The following WAPL variants were observed in gnomAD, a reference collection of about 807,000 sequenced individuals.
The protein encoded by WAPL is WAPL cohesin release factor, also known as wings apart-like protein homolog.
Under a neutral mutation model 121.0 loss-of-function variants are expected in WAPL, and 5 were observed. The ratio of observed to expected loss-of-function variants is 0.04; its 90% CI spans 0.02 to 0.09. WAPL has a LOEUF of 0.09. Ranked by LOEUF, WAPL falls within the 10% of genes least tolerant of loss-of-function variation. The pLI, the probability that WAPL is intolerant of heterozygous loss-of-function variation, is 1.00. For missense variants in WAPL, 999 were observed against 1,410.8 expected (o/e 0.71, Z 4.68); for synonymous variants, 480 against 481.5 (o/e 1.00, Z 0.04).
In WAPL at chr10:86,500,078, G is replaced by C; in HGVS notation, c.1165C>G (p.Pro389Ala). The C allele has an allele frequency of 1.2e-6, 2 of 1,614,110 alleles. No individual in the cohort carries two copies. Among genetic ancestry groups the C allele is most frequent in the Non-Finnish European group, 8.5e-7 (1 of 1,180,034 alleles). The change falls in exon 3 of 19, where the codon CCT (proline) becomes GCT (alanine). Residue 389 changes from proline (P) to alanine (A), a missense_variant. By Grantham distance (27) the Pro-to-Ala change is conservative. Around this residue, in one of 7 missense-constraint regions of WAPL, gnomAD observed 531 missense variants for 563.1 expected, o/e 0.94. Coordinates refer to ENST00000298767, the MANE Select transcript of WAPL (RefSeq NM_015045.5). ...RSMDEFTAST[P>A]ADLGEAGRLR... ...CGACCAGCTTCTCCCAAATCTGCAG[G>C]AGTGGATGCAGTGAACTCATCCATG...
chr10:86,473,342 A>G (rs1841577150), intron 5 of WAPL, among the ~76,000 whole-genome samples: 1 of 152,228 alleles, frequency 6.6e-6, no homozygotes, highest in Non-Finnish European at 1.5e-5. Flanking sequence ...AAGTTACTTG[A>G]TAACTCCAGA....
At chr10:86,438,325 C>A (rs1401742070) in intron 17 of WAPL, among the ~76,000 whole-genome samples, 1 of 150,970 alleles carries the variant, frequency 6.6e-6, no homozygotes, top group Non-Finnish European at 1.5e-5. Flanking sequence ...GTAATCTCAG[C>A]TCACTGCAAC....
intron 9 of WAPL, among the ~76,000 whole-genome samples, chr10:86,462,491 G>A (rs961530389): frequency 3.3e-5 from 5 of 152,006 alleles, no homozygotes; most frequent in Non-Finnish European, 7.4e-5. Context: ...AGGCCGAGGC[G>A]GGCTGATCAC....
intron 4 of WAPL, among the ~76,000 whole-genome samples, chr10:86,496,144 G>A (rs1174370586): frequency 2.6e-5 from 4 of 151,954 alleles, no homozygotes; most frequent in Admixed American, 2.0e-4. Context: ...CTGGGCAAAG[G>A]ACTTAGACAT....
chr10:86,510,635 C>T (rs1413197298), intron 2 of WAPL, among the ~76,000 whole-genome samples: 1 of 152,102 alleles, frequency 6.6e-6, no homozygotes, highest in Non-Finnish European at 1.5e-5. Flanking sequence ...TACTCCTTTT[C>T]CTCAGAAAAT....
At chr10:86,450,676 T>C (rs984580608) in intron 15 of WAPL, among the ~76,000 whole-genome samples, 3 of 152,212 alleles carry the variant, frequency 2.0e-5, no homozygotes, top group Admixed American at 6.5e-5. Flanking sequence ...TTATCAACTA[T>C]TGATAGTAAA....
rs1291880339 is a variant in WAPL, at chr10:86,436,298, G to A, written c.*1245C>T. ...CTTCAAGTTTTACAAATCCAATGAA[G>A]AAACATGATGTAACTACCTGAAAGG... On this transcript the variant is annotated 3_prime_UTR_variant, in exon 19 of 19. Coordinates refer to ENST00000298767, the MANE Select transcript of WAPL (RefSeq NM_015045.5). 4 of 151,910 alleles carry A rather than the reference G, an allele frequency of 2.6e-5. No homozygotes were observed. The highest frequency in any genetic ancestry group is 9.7e-5 in the African/African-American group (4 of 41,214). 9.4% of individuals were successfully genotyped at this position (151,910 alleles called of 1,614,324 possible).
At chr10:86,470,893 G>T (rs964329941) in intron 8 of WAPL, 99 bp downstream of exon 8, 4 of 890,936 alleles carry the variant, frequency 4.5e-6, no homozygotes, top group African/African-American at 3.4e-5. Flanking sequence ...CTATAATTAG[G>T]ATATATTTAT....
In WAPL at chr10:86,521,479, C is replaced by G. The variant is rs1253532251; in HGVS notation, c.-137G>C. 3 of 332,034 alleles carry G rather than the reference C, an allele frequency of 9.0e-6. No homozygotes were observed. Among genetic ancestry groups the G allele is most frequent in the African/African-American group, 2.3e-5 (1 of 42,590 alleles). The allele number at this position is 332,034 out of a possible 1,614,324, so 20.6% of individuals were successfully genotyped here. ...GGAGAGCAGGGCCGGCAGGTGAGAGCCGAGAGAGGCGAGGGACTCTGCTTT... is the reference window on the plus strand; with the variant it reads ...GGAGAGCAGGGCCGGCAGGTGAGAGGCGAGAGAGGCGAGGGACTCTGCTTT... On this transcript the variant is annotated 5_prime_UTR_variant, in exon 1 of 19. Transcript: ENST00000298767.
intron 16 of WAPL, among the ~76,000 whole-genome samples, chr10:86,444,753 G>A (rs1238769559): frequency 6.6e-6 from 1 of 151,932 alleles, no homozygotes; most frequent in African/African-American, 2.4e-5. Flanking sequence ...TAGTGGTGAT[G>A]GCAGCACAAC....
intron 4 of WAPL, among the ~76,000 whole-genome samples, chr10:86,491,698 G>A (rs1842052043): frequency 6.6e-6 from 1 of 150,762 alleles, no homozygotes; most frequent in Non-Finnish European, 1.5e-5. Context: ...CGCTTGAAAT[G>A]GTTCACACTG....
chr10:86,494,499 T>A (rs1168722936), intron 4 of WAPL, among the ~76,000 whole-genome samples: 1 of 152,180 alleles, frequency 6.6e-6, no homozygotes. Context: ...AAAAAAAAAT[T>A]GAACTTTTAA....
chr10:86,461,601 C>T (rs1841276435), intron 9 of WAPL, among the ~76,000 whole-genome samples: 1 of 152,184 alleles, frequency 6.6e-6, no homozygotes, highest in Non-Finnish European at 1.5e-5. Context: ...TATTTTTTAA[C>T]TGTAAATCAA....
rs181578620 is a variant in WAPL at position 86,447,343 on chromosome 10, T to C, written c.3115-894A>G. Among the ~76,000 whole-genome samples, 857 of 152,330 alleles carry C rather than the reference T, an allele frequency of 5.6e-3. 6 individuals carry two copies. Among genetic ancestry groups the C allele is most frequent in the Non-Finnish European group, 9.0e-3 (614 of 68,030 alleles). Reference sequence around the variant, plus strand: ...TAGAAGAGAATGATGGACTCCTACTTATGACTCCAGGAAGAACTGAGTTGT... The same window carrying C: ...TAGAAGAGAATGATGGACTCCTACTCATGACTCCAGGAAGAACTGAGTTGT... On this transcript the variant is annotated intron_variant, in intron 15 of 18. Coordinates refer to ENST00000298767, the MANE Select transcript of WAPL (RefSeq NM_015045.5).
At chr10:86,487,678 C>T (rs964154551) in intron 4 of WAPL, among the ~76,000 whole-genome samples, 1 of 152,092 alleles carries the variant, frequency 6.6e-6, no homozygotes, top group African/African-American at 2.4e-5. Flanking sequence ...ATCACGAGGT[C>T]AGGAGAGCAA....
intron 11 of WAPL, among the ~76,000 whole-genome samples, chr10:86,459,979 T>A (rs549793663): frequency 1.3e-5 from 2 of 152,172 alleles, no homozygotes; most frequent in African/African-American, 4.8e-5. Context: ...AAGGGCATGA[T>A]GGCACATGCC....
intron 8 of WAPL, 61 bp from the exon 9 acceptor site, chr10:86,467,567 A>C: frequency 1.4e-5 from 17 of 1,214,842 alleles, no homozygotes; most frequent in Non-Finnish European, 1.7e-5. Flanking sequence ...CTGACATCTC[A>C]GGAAATAAGA....
intron 4 of WAPL, among the ~76,000 whole-genome samples, chr10:86,495,245 T>C (rs78114718): frequency 0.01 from 1,572 of 152,276 alleles, 19 homozygotes; most frequent in Non-Finnish European, 0.015. Context: ...GGCAGGCAGA[T>C]AGCCTGAGCC....
At chr10:86,448,483 G>A (rs933291434) in intron 15 of WAPL, among the ~76,000 whole-genome samples, 1 of 152,178 alleles carries the variant, frequency 6.6e-6, no homozygotes, top group African/African-American at 2.4e-5. Flanking sequence ...CTACTAGTTT[G>A]CAGTCATTAC....
Sources: gnomAD v4.1 joint callset for allele counts (sites outside exome capture counted in the v4.1 genomes callset) on GRCh38, gnomAD v4.1.1 for gene constraint, gnomAD v4.1.1 regional missense constraint, MANE v1.5 for transcripts, NCBI Gene and HGNC (gene_info 2026-07-23, HGNC 2026-07-21) for gene names.